ADAMTSL1: variants seen among roughly 807,000 people sequenced by gnomAD.
ADAMTSL1 encodes the protein ADAMTS-like protein 1.
ADAMTSL1 carries 126 observed loss-of-function variants against 201.8 expected under a neutral mutation model. That is an observed-to-expected ratio of 0.62 (90% CI 0.54 to 0.72). The LOEUF (loss-of-function observed/expected upper bound fraction) is 0.72, where lower values mean the gene tolerates loss of function less well. Among genes scored for constraint, ADAMTSL1 ranks in the 30% least tolerant of loss-of-function variants. ADAMTSL1 has a pLI of 0.00. For missense variants in ADAMTSL1, 2,679 were observed against 2,277.8 expected (o/e 1.18, Z -3.59); for synonymous variants, 1,121 against 903.4 (o/e 1.24, Z -4.32).
chr9:18,714,371 AAAG>A (rs1233746550), intron 14 of ADAMTSL1, among the ~76,000 whole-genome samples: 1 of 152,202 alleles, frequency 6.6e-6, no homozygotes, highest in African/African-American at 2.4e-5. Flanking sequence ...ATAAAGAAAA[AAAG>A]AAGAATCAAA....
At chr9:18,846,770 A>C (rs1325768138) in intron 23 of ADAMTSL1, among the ~76,000 whole-genome samples, 1 of 152,192 alleles carries the variant, frequency 6.6e-6, no homozygotes, top group African/African-American at 2.4e-5. Context: ...AATGGACAGA[A>C]GTAGATGAAT....
intron 20 of ADAMTSL1, among the ~76,000 whole-genome samples, chr9:18,812,137 C>G (rs1479557422): frequency 2.0e-5 from 3 of 152,072 alleles, no homozygotes; most frequent in Admixed American, 6.6e-5. Context: ...ACTAGAATAG[C>G]AAAGAGGCAG....
At chr9:18,231,714 G>C (rs186496555) in intron 2 of ADAMTSL1, among the ~76,000 whole-genome samples, 5 of 152,266 alleles carry the variant, frequency 3.3e-5, no homozygotes, top group African/African-American at 1.2e-4. Flanking sequence ...TGTCTAAAAG[G>C]AATCTCCAAC....
Position 18,830,729 on chromosome 9 carries a change from T to TG in ADAMTSL1, c.4249+759dup, listed in dbSNP as rs996416267. Among the ~76,000 whole-genome samples the TG allele has an allele frequency of 1.3e-3, 190 of 151,096 alleles. 1 individual carries two copies. The highest frequency in any genetic ancestry group is 3.3e-3 in the African/African-American group (137 of 41,186). On this transcript the variant is annotated intron_variant, in intron 23 of 28. Coordinates refer to ENST00000380548, the MANE Select transcript of ADAMTSL1 (RefSeq NM_001040272.6). Reference sequence around the variant, plus strand: ...ATTCTTCTGCCTTCAAAAGGCCTGGTGGGGGGGTGGGGAAATAGGCCTATA... The same window carrying TG: ...ATTCTTCTGCCTTCAAAAGGCCTGGTGGGGGGGGTGGGGAAATAGGCCTATA...
intron 21 of ADAMTSL1, among the ~76,000 whole-genome samples, chr9:18,817,673 A>G (rs998027644): frequency 2.0e-5 from 3 of 152,234 alleles, no homozygotes. Flanking sequence ...CCATGCTTCC[A>G]AAAGACAAAG....
chr9:18,215,861 T>C (rs1414228065), intron 2 of ADAMTSL1, among the ~76,000 whole-genome samples: 1 of 152,154 alleles, frequency 6.6e-6, no homozygotes, highest in African/African-American at 2.4e-5. Flanking sequence ...GCTACAAGAA[T>C]GAAAGAGACA....
At chr9:18,861,511 C>G (rs1827215712) in intron 23 of ADAMTSL1, among the ~76,000 whole-genome samples, 1 of 152,102 alleles carries the variant, frequency 6.6e-6, no homozygotes, top group South Asian at 2.1e-4. Flanking sequence ...GTATATAAAT[C>G]CAAGGCAAAC....
At position 18,219,504 on chromosome 9, in the gene ADAMTSL1, G is replaced by T. The variant is rs145652563; in HGVS notation, c.207+55523G>T. On this transcript the variant is annotated intron_variant, in intron 2 of 29. Transcript: ENST00000680146. ...ATGCCTTAGCCTCCTGAGTAGTTGG[G>T]ATTACAAGGATGCACCACCGTGCCT... is the stretch of plus-strand genomic sequence containing the variant. Among the ~76,000 whole-genome samples, 658 of 151,984 alleles carry T rather than the reference G, an allele frequency of 4.3e-3. 5 individuals carry two copies. The highest frequency in any genetic ancestry group is 0.015 in the African/African-American group (629 of 41,474).
chr9:18,513,368 G>T (rs1818155942), intron 2 of ADAMTSL1, among the ~76,000 whole-genome samples: 1 of 152,100 alleles, frequency 6.6e-6, no homozygotes, highest in Non-Finnish European at 1.5e-5. Context: ...TACTTGATTA[G>T]TCTAGATACC....
At chr9:17,939,013 A>G (rs531950102) in intron 1 of ADAMTSL1, among the ~76,000 whole-genome samples, 3 of 152,160 alleles carry the variant, frequency 2.0e-5, no homozygotes, top group African/African-American at 7.2e-5. Flanking sequence ...GCCTCTCCAC[A>G]CTGAACCCCT....
intron 19 of ADAMTSL1, among the ~76,000 whole-genome samples, chr9:18,780,819 C>A (rs2133777019): frequency 6.6e-6 from 1 of 152,286 alleles, no homozygotes; most frequent in Middle Eastern, 3.4e-3. Context: ...GTCTATATTA[C>A]CTTTTTTAAC....
intron 1 of ADAMTSL1, among the ~76,000 whole-genome samples, chr9:18,098,910 A>G (rs1043297071): frequency 6.6e-6 from 1 of 152,192 alleles, no homozygotes; most frequent in African/African-American, 2.4e-5. Flanking sequence ...ATCCAGGTCA[A>G]TTCTGGGGCT....
chr9:18,035,565 C>T (rs1244853482), intron 1 of ADAMTSL1, among the ~76,000 whole-genome samples: 1 of 152,072 alleles, frequency 6.6e-6, no homozygotes, highest in Non-Finnish European at 1.5e-5. Flanking sequence ...TTCAGATGAT[C>T]CCCTTCTCAA....
intron 1 of ADAMTSL1, among the ~76,000 whole-genome samples, chr9:18,139,391 G>C (rs1313060561): frequency 6.6e-6 from 1 of 152,136 alleles, no homozygotes; most frequent in Non-Finnish European, 1.5e-5. Flanking sequence ...AGCAACAAGA[G>C]TGTCTTCATT....
chr9:18,652,379 A>C (rs1359644263), intron 7 of ADAMTSL1, among the ~76,000 whole-genome samples: 2 of 151,402 alleles, frequency 1.3e-5, no homozygotes, highest in Non-Finnish European at 2.9e-5. Flanking sequence ...AAAAAAAAAA[A>C]AAAAGGAAAA....
chr9:18,338,914 G>A (rs924945970), intron 2 of ADAMTSL1, among the ~76,000 whole-genome samples: 1 of 152,036 alleles, frequency 6.6e-6, no homozygotes, highest in Non-Finnish European at 1.5e-5. Context: ...CTTAAGATAT[G>A]GCCTCCAGAT....
upstream of ADAMTSL1, among the ~76,000 whole-genome samples, chr9:18,471,427 TACTTAA>T (rs1821206167): frequency 6.6e-6 from 1 of 152,214 alleles, no homozygotes; most frequent in South Asian, 2.1e-4. Flanking sequence ...ATGGGGTGAT[TACTTAA>T]TTTCAAAAAG....
At chr9:18,634,723 A>G (rs1388666019) in intron 5 of ADAMTSL1, among the ~76,000 whole-genome samples, 14 of 151,372 alleles carry the variant, frequency 9.2e-5, no homozygotes. Context: ...CTATAATCCC[A>G]GCTACTTGGG....
At chr9:18,202,991 A>C (rs137986960) in intron 2 of ADAMTSL1, among the ~76,000 whole-genome samples, 25 of 152,186 alleles carry the variant, frequency 1.6e-4, no homozygotes, top group Admixed American at 1.5e-3. Flanking sequence ...CTCAATTCTC[A>C]TGGGCCACAA....
Sources: allele counts gnomAD v4.1 joint callset (sites outside exome capture counted in the v4.1 genomes callset), GRCh38; gene constraint gnomAD v4.1.1; transcripts MANE v1.5; gene names NCBI Gene and HGNC (gene_info 2026-07-23, HGNC 2026-07-21).